Variants in TM2D1 observed in about 807,000 individuals in gnomAD.
TM2D1 encodes the protein TM2 domain-containing protein 1.
TM2D1 carries 15 observed loss-of-function variants against 28.4 expected under a neutral mutation model. The observed-to-expected ratio is 0.53, with a 90% CI of 0.35 to 0.81. The LOEUF is 0.81. Ranked by LOEUF, TM2D1 falls within the 40% of genes least tolerant of loss-of-function variation. The probability of loss-of-function intolerance (pLI) is 0.01; values close to 1 mark genes in which losing one functional copy is unlikely to be tolerated. For missense variants in TM2D1, 236 were observed against 254.9 expected (o/e 0.93, Z 0.50); for synonymous variants, 93 against 96.2 (o/e 0.97, Z 0.20).
chr1:61,712,111 C>A (rs1187505017), intron 2 of TM2D1, among the ~76,000 whole-genome samples: 1 of 152,002 alleles, frequency 6.6e-6, no homozygotes, highest in Admixed American at 6.6e-5. Context: ...GGTCTGGAAA[C>A]ATTTTCAGTT....
chr1:61,698,799 G>C (rs530996731), intron 4 of TM2D1: 4 of 150,930 alleles, frequency 2.7e-5, no homozygotes, highest in African/African-American at 7.3e-5. Flanking sequence ...TGTCTCTGCT[G>C]GCCTCAAACT....
intron 5 of TM2D1, among the ~76,000 whole-genome samples, chr1:61,689,055 AT>A (rs1447875548): frequency 1.3e-5 from 2 of 152,168 alleles, no homozygotes; most frequent in Non-Finnish European, 2.9e-5. Flanking sequence ...AAATAAAAAA[AT>A]GTCTTCTGTT....
chr1:61,714,398 G>A (rs7536565), intron 2 of TM2D1, among the ~76,000 whole-genome samples: 27,216 of 151,646 alleles, frequency 0.18, 3,014 homozygotes, highest in Non-Finnish European at 0.25. Flanking sequence ...AAAATCAGCC[G>A]GGCATGCTGG....
Position 61,708,613 on chromosome 1 carries a change from A to G in TM2D1, c.347+716T>C, listed in dbSNP as rs1042729112. 2.6e-5 allele frequency among the ~76,000 whole-genome samples: 4 copies of G among 152,336 alleles called. No individual in the cohort carries two copies. In the South Asian group the frequency reaches 8.3e-4, roughly 32 times the overall value. ...TTCATCATCCATATTTATCACAAAG[A>G]ATAAAACCAAGTTTAAAATGCCCTT... On this transcript the variant is annotated intron_variant, in intron 3 of 6. Transcript: ENST00000606498.
At chr1:61,716,326 G>A (rs955346003) in intron 2 of TM2D1, among the ~76,000 whole-genome samples, 2 of 147,758 alleles carry the variant, frequency 1.4e-5, no homozygotes, top group South Asian at 2.1e-4. Flanking sequence ...TCTACTCTCC[G>A]CCAACCCCCC....
chr1:61,691,266 C>T lies in TM2D1; in HGVS notation c.513+3431G>A, dbSNP rs747375782. Among the ~76,000 whole-genome samples, 19 of 152,078 alleles carry T rather than the reference C, an allele frequency of 1.2e-4. No individual in the cohort carries two copies. In the East Asian group the frequency reaches 1.9e-3, roughly 15 times the overall value. ...ATCCCAGCACTTTGGAAGGCAAAGG[C>T]GGGCGGATCACCTGAGGTCAGGAGT... is the stretch of plus-strand genomic sequence containing the variant. On this transcript the variant is annotated intron_variant, in intron 5 of 6. Coordinates refer to ENST00000606498, the MANE Select transcript of TM2D1 (RefSeq NM_032027.3).
At chr1:61,707,035 G>A (rs572938921) in intron 3 of TM2D1, among the ~76,000 whole-genome samples, 4 of 151,990 alleles carry the variant, frequency 2.6e-5, no homozygotes, top group Admixed American at 6.6e-5. Context: ...CGGGCTGATC[G>A]CTTGAGCCCA....
chr1:61,691,940 T>TATATATATATATATATAC (rs1644330505), intron 5 of TM2D1, among the ~76,000 whole-genome samples: 1 of 105,232 alleles, frequency 9.5e-6, no homozygotes, highest in Non-Finnish European at 2.0e-5. Context: ...AAAATATATA[T>TATATATATATATATATAC]ATATATATAT....
At chr1:61,713,559 G>C (rs1366398015) in intron 2 of TM2D1, among the ~76,000 whole-genome samples, 1 of 145,310 alleles carries the variant, frequency 6.9e-6, no homozygotes, top group Non-Finnish European at 1.5e-5. Flanking sequence ...TTCTCAAAAA[G>C]CAGCTTTAAA....
intron 2 of TM2D1, among the ~76,000 whole-genome samples, chr1:61,712,068 G>A (rs1343792692): frequency 1.3e-5 from 2 of 151,868 alleles, no homozygotes; most frequent in African/African-American, 4.8e-5. Context: ...TTCTTAACTG[G>A]GGCATTTTTA....
rs573167881 is a variant in TM2D1 at position 61,707,214 on chromosome 1, C to T, written c.347+2115G>A. On this transcript the variant is annotated intron_variant, in intron 3 of 6. Coordinates refer to ENST00000606498, the MANE Select transcript of TM2D1 (RefSeq NM_032027.3). ...AGGCTGCAATGAGACATGATTGTGA[C>T]GCTGCACTCCAGCCTGGGCTACAGA... 1.8e-4 allele frequency among the ~76,000 whole-genome samples: 27 copies of T among 152,234 alleles called. No individual in the cohort carries two copies. The South Asian group carries it at 4.1e-3, about 23-fold the overall frequency.
intron 2 of TM2D1, among the ~76,000 whole-genome samples, chr1:61,718,221 T>G (rs1176747955): frequency 6.7e-6 from 1 of 149,170 alleles, no homozygotes; most frequent in South Asian, 2.1e-4. Context: ...GCCTGGGAGG[T>G]GGAGGTTAGA....
At chr1:61,688,327 C>T (rs953580593) in intron 5 of TM2D1, among the ~76,000 whole-genome samples, 7 of 152,104 alleles carry the variant, frequency 4.6e-5, no homozygotes, top group African/African-American at 1.7e-4. Flanking sequence ...GTAAAAGTTA[C>T]TCAAATGATC....
At chr1:61,702,523 C>G (rs183400116) in intron 3 of TM2D1, among the ~76,000 whole-genome samples, 300 of 150,840 alleles carry the variant, frequency 2.0e-3, no homozygotes, top group African/African-American at 7.2e-3. Flanking sequence ...CGCACACCAC[C>G]ACAGCTGGCT....
At chr1:61,682,197 T>C (rs1379381358) in intron 6 of TM2D1, among the ~76,000 whole-genome samples, 1 of 152,180 alleles carries the variant, frequency 6.6e-6, no homozygotes, top group Non-Finnish European at 1.5e-5. Flanking sequence ...TCTATTCTCT[T>C]GCTGGCCTCT....
At chr1:61,718,463 T>C (rs1644538066) in intron 2 of TM2D1, among the ~76,000 whole-genome samples, 1 of 152,308 alleles carries the variant, frequency 6.6e-6, no homozygotes, top group Admixed American at 6.5e-5. Flanking sequence ...TGGAATGAGG[T>C]GTTGACCAGT....
At chr1:61,703,045 G>T (rs150595351) in intron 3 of TM2D1, among the ~76,000 whole-genome samples, 2,608 of 151,592 alleles carry the variant, frequency 0.017, 71 homozygotes, top group African/African-American at 0.06. Flanking sequence ...AGCGGAGGTT[G>T]CAGTGAGCCA....
chr1:61,720,282 C>T (rs1312933635), intron 2 of TM2D1, among the ~76,000 whole-genome samples: 1 of 151,880 alleles, frequency 6.6e-6, no homozygotes, highest in Non-Finnish European at 1.5e-5. Context: ...GGCTCTGTCG[C>T]CCAGGCTGGA....
At chr1:61,714,757 C>T (rs556704213) in intron 2 of TM2D1, among the ~76,000 whole-genome samples, 1 of 152,144 alleles carries the variant, frequency 6.6e-6, no homozygotes, top group South Asian at 2.1e-4. Context: ...GTTTTCACCA[C>T]GTTGCCCAAG....
Sources: allele counts gnomAD v4.1 joint callset (sites outside exome capture counted in the v4.1 genomes callset), GRCh38; gene constraint gnomAD v4.1.1; transcripts MANE v1.5; gene names NCBI Gene and HGNC (gene_info 2026-07-23, HGNC 2026-07-21).